The following FOXJ3 variants were observed in gnomAD, a reference collection of about 807,000 sequenced individuals.
FOXJ3 encodes the protein forkhead box protein J3.
A neutral mutation model predicts 76.1 loss-of-function variants in FOXJ3; 22 were observed. That is an observed-to-expected ratio of 0.29 (90% CI 0.21 to 0.41). The LOEUF (loss-of-function observed/expected upper bound fraction) is 0.41, where lower values mean the gene tolerates loss of function less well. FOXJ3 is among the 10% of genes least tolerant of loss of function. FOXJ3 has a pLI of 1.00. For synonymous variants in FOXJ3, 269 were observed against 261.2 expected (o/e 1.03, Z -0.29); for missense variants, 613 against 762.1 (o/e 0.80, Z 2.30).
chr1:42,232,710 G>C (rs560652662), intron 4 of FOXJ3, among the ~76,000 whole-genome samples: 1 of 152,158 alleles, frequency 6.6e-6, no homozygotes, highest in Admixed American at 6.6e-5. Context: ...TGTCAGATGA[G>C]TAGATTGCAA....
chr1:42,232,689 C>T (rs540727208), intron 4 of FOXJ3, among the ~76,000 whole-genome samples: 1,935 of 152,156 alleles, frequency 0.013, 15 homozygotes, highest in Middle Eastern at 0.024. Context: ...AGATTCTGGA[C>T]ATTAGCCCTT....
chr1:42,278,032 C>T (rs1652421325), intron 3 of FOXJ3, among the ~76,000 whole-genome samples: 1 of 150,228 alleles, frequency 6.7e-6, no homozygotes, highest in East Asian at 2.0e-4. Flanking sequence ...GTACTAGTTG[C>T]AATACTACGT....
intron 5 of FOXJ3, 70 bp downstream of exon 5, chr1:42,227,813 A>G (rs1039231105): frequency 1.2e-6 from 1 of 814,194 alleles, no homozygotes; most frequent in Non-Finnish European, 1.9e-6. Context: ...AGACTGGAAA[A>G]GAACTTTCAA....
intron 12 of FOXJ3, 23 bp downstream of exon 12, chr1:42,181,894 C>T (rs1199047843): frequency 4.4e-6 from 6 of 1,365,328 alleles, no homozygotes; most frequent in Admixed American, 1.8e-5. Context: ...CACACACACA[C>T]TCACTCTCTC....
chr1:42,275,396 T>C (rs1652184720), intron 3 of FOXJ3, among the ~76,000 whole-genome samples: 1 of 152,048 alleles, frequency 6.6e-6, no homozygotes, highest in South Asian at 2.1e-4. Flanking sequence ...AGAATATGAA[T>C]ATAACATGTG....
At chr1:42,333,890 A>C (rs1656305669) in intron 1 of FOXJ3, among the ~76,000 whole-genome samples, 1 of 152,234 alleles carries the variant, frequency 6.6e-6, no homozygotes, top group South Asian at 2.1e-4. Context: ...TAACGCTCCT[A>C]TGACATCACG....
chr1:42,280,734 C>G (rs1229277085), intron 2 of FOXJ3, among the ~76,000 whole-genome samples: 1 of 152,094 alleles, frequency 6.6e-6, no homozygotes, highest in Non-Finnish European at 1.5e-5. Flanking sequence ...CTAAACATAC[C>G]TCATCTGTAA....
intron 2 of FOXJ3, among the ~76,000 whole-genome samples, chr1:42,297,002 C>A (rs924047059): frequency 1.5e-4 from 23 of 152,180 alleles, no homozygotes; most frequent in African/African-American, 5.3e-4. Flanking sequence ...TAGTTCTCCT[C>A]GTAAAGATCT....
At position 42,237,405 on chromosome 1, in the gene FOXJ3, C is replaced by CATATATATATATATATATAT. The variant is rs60560055; in HGVS notation, c.445-9459_445-9440dup. On this transcript the variant is annotated intron_variant, in intron 4 of 12. Transcript: ENST00000361346. Reference sequence around the variant, plus strand: ...ATATATATATATACATACATACATACATATATATATATATATATATATACA... The same window carrying CATATATATATATATATATAT: ...ATATATATATATACATACATACATACATATATATATATATATATATATATATATATATATATATATATACA... Among the ~76,000 whole-genome samples, 130 of 140,730 alleles carry CATATATATATATATATATAT rather than the reference C, an allele frequency of 9.2e-4. 1 individual carries two copies. Among genetic ancestry groups the CATATATATATATATATATAT allele is most frequent in the Non-Finnish European group, 1.6e-3 (107 of 65,904 alleles). 92.3% of individuals were successfully genotyped at this position (140,730 alleles called of 152,430 possible).
At chr1:42,248,730 CTTTTTTTTTTT>C (rs4019587) in intron 4 of FOXJ3, among the ~76,000 whole-genome samples, 3 of 92,192 alleles carry the variant, frequency 3.3e-5, no homozygotes, top group African/African-American at 8.1e-5. Context: ...CCTGTTTTTT[CTTTTTTTTTTT>C]TTTTTTTTTT....
chr1:42,204,999 A>G (rs1313205749), intron 6 of FOXJ3, among the ~76,000 whole-genome samples: 1 of 152,118 alleles, frequency 6.6e-6, no homozygotes, highest in Non-Finnish European at 1.5e-5. Flanking sequence ...GGAGAGAAAA[A>G]AAGAGGGTGA....
chr1:42,330,029 T>C (rs1656065306), intron 1 of FOXJ3, among the ~76,000 whole-genome samples: 1 of 152,162 alleles, frequency 6.6e-6, no homozygotes, highest in Non-Finnish European at 1.5e-5. Flanking sequence ...CATTTCCTCA[T>C]CTGTAAAACT....
At chr1:42,203,445 A>C (rs1424576468) in intron 6 of FOXJ3, among the ~76,000 whole-genome samples, 3 of 152,204 alleles carry the variant, frequency 2.0e-5, no homozygotes, top group Non-Finnish European at 4.4e-5. Context: ...GAATATTAGC[A>C]TACCACTCTA....
chr1:42,195,025 G>T lies in FOXJ3; in HGVS notation c.799C>A (p.Pro267Thr), dbSNP rs1232725392. 6.2e-7 allele frequency: 1 copy of T among 1,611,544 alleles called. No homozygotes were observed. The highest frequency in any genetic ancestry group is 1.7e-5 in the Admixed American group (1 of 59,524). The change falls in exon 8 of 13, where the codon CCT (proline) becomes ACT (threonine). Residue 267 changes from proline (P) to threonine (T), a missense_variant. By Grantham distance (38) the Pro-to-Thr change is conservative. This residue lies in a region of FOXJ3 where 526 missense variants were observed against 601.4 expected (regional missense o/e 0.87). Coordinates refer to ENST00000361346, the MANE Select transcript of FOXJ3 (RefSeq NM_014947.5). ...HPESVSQSLTPQQQPQYNLPE... is the reference protein window; with the variant it reads ...HPESVSQSLTTQQQPQYNLPE... ...AGGTTGTACTGTGGTTGCTGCTGAG[G>T]AGTTAATGATTGAGAGACTGATTCT...
At chr1:42,200,459 A>C (rs776354663) in intron 6 of FOXJ3, among the ~76,000 whole-genome samples, 9 of 151,684 alleles carry the variant, frequency 5.9e-5, no homozygotes, top group Non-Finnish European at 1.3e-4. Context: ...TCCATGTTTT[A>C]TCCTTTTCTT....
At chr1:42,204,630 G>A (rs1395788532) in intron 6 of FOXJ3, among the ~76,000 whole-genome samples, 1 of 151,976 alleles carries the variant, frequency 6.6e-6, no homozygotes, top group East Asian at 1.9e-4. Context: ...GTATTTCTGG[G>A]CCCTATTCAT....
chr1:42,325,406 C>T (rs751983058), intron 1 of FOXJ3, among the ~76,000 whole-genome samples: 1 of 152,194 alleles, frequency 6.6e-6, no homozygotes, highest in South Asian at 2.1e-4. Flanking sequence ...GAAGAAATCA[C>T]AGGATACTTC....
chr1:42,333,400 T>C (rs1480554785), intron 1 of FOXJ3, among the ~76,000 whole-genome samples: 1 of 152,118 alleles, frequency 6.6e-6, no homozygotes, highest in African/African-American at 2.4e-5. Flanking sequence ...AAACACGTTC[T>C]AGCCTCATCC....
chr1:42,289,103 A>C (rs1189836975), intron 2 of FOXJ3, among the ~76,000 whole-genome samples: 1 of 151,958 alleles, frequency 6.6e-6, no homozygotes, highest in African/African-American at 2.4e-5. Context: ...TTTAAGCACT[A>C]ATTTTTTAAG....
Sources: gnomAD v4.1 joint callset for allele counts (sites outside exome capture counted in the v4.1 genomes callset) on GRCh38, gnomAD v4.1.1 for gene constraint, gnomAD v4.1.1 regional missense constraint, MANE v1.5 for transcripts, NCBI Gene and HGNC (gene_info 2026-07-23, HGNC 2026-07-21) for gene names.